NOTCH2NLR: variants seen among roughly 807,000 people sequenced by gnomAD.
The protein encoded by NOTCH2NLR is notch 2 N-terminal like R (pseudogene).
In NOTCH2NLR, 33 loss-of-function variants were observed where a neutral mutation model predicts 35.6. The observed-to-expected ratio is 0.93, with a 90% CI of 0.70 to 1.24. The LOEUF is 1.24. Ranked by LOEUF, NOTCH2NLR falls within the 50% of genes most tolerant of loss-of-function variation. NOTCH2NLR has a pLI of 0.00. For synonymous variants in NOTCH2NLR, 103 were observed against 141.0 expected (o/e 0.73, Z 1.91); for missense variants, 276 against 362.2 (o/e 0.76, Z 1.93).
chr1:120,726,456 T>A (rs1650815720), intron 1 of NOTCH2NLR, among the ~76,000 whole-genome samples: 1 of 84,958 alleles, frequency 1.2e-5, no homozygotes, highest in Non-Finnish European at 2.2e-5. Flanking sequence ...TTCTAAACTT[T>A]TGAGTGTTCC....
At chr1:120,768,067 T>TA (rs1651213674) in intron 2 of NOTCH2NLR, among the ~76,000 whole-genome samples, 1 of 101,252 alleles carries the variant, frequency 9.9e-6, no homozygotes, top group East Asian at 2.4e-4. Flanking sequence ...TATCTCCCAC[T>TA]AAAGAATGTT....
At position 120,793,463 on chromosome 1, in the gene NOTCH2NLR, G is replaced by A. The variant is rs1463647589; in HGVS notation, c.718G>A (p.Gly240Ser). The change falls in exon 4 of 5, where the codon GGT becomes AGT. Residue 240 changes from glycine to serine, a missense_variant. Gly to Ser is a moderately conservative substitution (Grantham distance 56, BLOSUM62 0). Coordinates refer to ENST00000624419, the Ensembl canonical transcript of NOTCH2NLR. ...CAATGGAGGCACCTGTCGGCAGACT[G>A]GTGACTTCACTTTTGAGTGCAACTG... The A allele has an allele frequency of 2.9e-5, 42 of 1,429,054 alleles. 10 individuals are homozygous for A. The Admixed American group carries it at 8.1e-4, about 27-fold the overall frequency. The allele number at this position is 1,429,054 out of a possible 1,614,324, so 88.5% of individuals were successfully genotyped here. A position where few individuals can be genotyped will look rare whatever the true frequency, so the allele number is the denominator to read the frequency against.
At chr1:120,724,351 C>T in intron 1 of NOTCH2NLR, 101 bp downstream of exon 1, 3 of 1,353,186 alleles carry the variant, frequency 2.2e-6, no homozygotes, top group East Asian at 2.6e-5. Flanking sequence ...AGGCCAGGCT[C>T]GGCCGCCGGC....
chr1:120,733,133 G>A lies in NOTCH2NLR; in HGVS notation c.73+8883G>A, dbSNP rs1444203905. 4.9e-4 allele frequency among the ~76,000 whole-genome samples: 47 copies of A among 95,042 alleles called. 6 individuals are homozygous for A. The highest frequency in any genetic ancestry group is 1.1e-3 in the African/African-American group (15 of 14,006). The allele number at this position is 95,042 out of a possible 152,430, so 62.4% of individuals were successfully genotyped here. A position where few individuals can be genotyped will look rare whatever the true frequency, so the allele number is the denominator to read the frequency against. On this transcript the variant is annotated intron_variant, in intron 1 of 4. Coordinates refer to ENST00000624419, the Ensembl canonical transcript of NOTCH2NLR. ...TATTTTTATATATATATATATATAT[G>A]TTTAGTTTATGAACAGATCTACATA...
chr1:120,728,635 C>A lies in NOTCH2NLR; in HGVS notation c.73+4385C>A, dbSNP rs1361252831. ...TGTTATTTTGTCCAGAATAGCCACA[C>A]CTTACTGTAATTTCATCATTTTGGG... is the stretch of plus-strand genomic sequence containing the variant. On this transcript the variant is annotated intron_variant, in intron 1 of 4. Coordinates refer to ENST00000624419, the Ensembl canonical transcript of NOTCH2NLR. 1.1e-4 allele frequency among the ~76,000 whole-genome samples: 13 copies of A among 117,268 alleles called. 4 individuals are homozygous for A. The highest frequency in any genetic ancestry group is 3.0e-4 in the African/African-American group (6 of 20,180). 76.9% of individuals were successfully genotyped at this position (117,268 alleles called of 152,430 possible).
rs1366163257 is a variant in NOTCH2NLR, at chr1:120,790,622, GTCTT to G, written c.416-2530_416-2527del. On this transcript the variant is annotated intron_variant, in intron 3 of 4. Transcript: ENST00000624419. ...TCTCTCTCTTTCCCTCTCTCTTTCT[GTCTT>G]TCTTTCTTCTCACTCTGTTGCTTAG... is the stretch of plus-strand genomic sequence containing the variant. 6.8e-3 allele frequency among the ~76,000 whole-genome samples: 504 copies of G among 74,416 alleles called. 67 individuals are homozygous for G. The highest frequency in any genetic ancestry group is 8.7e-3 in the Admixed American group (59 of 6,754). The allele number at this position is 74,416 out of a possible 152,430, so 48.8% of individuals were successfully genotyped here. A position where few individuals can be genotyped will look rare whatever the true frequency, so the allele number is the denominator to read the frequency against.
At chr1:120,733,276 A>G (rs1650883944) in intron 1 of NOTCH2NLR, among the ~76,000 whole-genome samples, 1 of 84,600 alleles carries the variant, frequency 1.2e-5, no homozygotes, top group Non-Finnish European at 2.1e-5. Flanking sequence ...CTCTCTCATT[A>G]CAGTGATATT....
At chr1:120,777,419 G>T (rs1212614032) in intron 2 of NOTCH2NLR, among the ~76,000 whole-genome samples, 1 of 88,264 alleles carries the variant, frequency 1.1e-5, no homozygotes, top group African/African-American at 8.1e-5. Context: ...TAGTCTTTGT[G>T]TATTAGTTGT....
chr1:120,781,772 A>T (rs1651364294), intron 2 of NOTCH2NLR, among the ~76,000 whole-genome samples: 1 of 115,646 alleles, frequency 8.6e-6, no homozygotes, highest in Admixed American at 8.4e-5. Flanking sequence ...GTTAGCCAGG[A>T]TGGTCTCGAT....
rs1424866254 is a variant in NOTCH2NLR at position 120,767,810 on chromosome 1, C to T, written c.155+4101C>T. On this transcript the variant is annotated intron_variant, in intron 2 of 4. Coordinates refer to ENST00000624419, the Ensembl canonical transcript of NOTCH2NLR. ...AAAGATCATGGACAACTCAAGTTCA[C>T]TAGGATTCTGGGGGTAGGTTAGGTT... is the stretch of plus-strand genomic sequence containing the variant. Among the ~76,000 whole-genome samples, 4 of 111,460 alleles carry T rather than the reference C, an allele frequency of 3.6e-5. 1 individual carries two copies. Among genetic ancestry groups the T allele is most frequent in the Non-Finnish European group, 6.8e-5 (4 of 58,922 alleles). The allele number at this position is 111,460 out of a possible 152,430, so 73.1% of individuals were successfully genotyped here. A position where few individuals can be genotyped will look rare whatever the true frequency, so the allele number is the denominator to read the frequency against.
In NOTCH2NLR at chr1:120,724,256, T is replaced by C; in HGVS notation, c.73+6T>C. 2.9e-6 allele frequency: 4 copies of C among 1,397,112 alleles called. 1 individual carries two copies. The highest frequency in any genetic ancestry group is 2.1e-5 in the Admixed American group (1 of 47,176). The allele number at this position is 1,397,112 out of a possible 1,614,324, so 86.5% of individuals were successfully genotyped here. ...CTGGGCGGCCCCCGCGCATGGTGAGTATCGGGCTGAGGGGCGCTGTCCGCG... is the reference window on the plus strand; with the variant it reads ...CTGGGCGGCCCCCGCGCATGGTGAGCATCGGGCTGAGGGGCGCTGTCCGCG... On this transcript the variant is annotated splice_donor_region_variant and intron_variant, in intron 1 of 4. Transcript: ENST00000624419.
rs1435648093 is a variant in NOTCH2NLR, at chr1:120,733,129, A to T, written c.73+8879A>T. On this transcript the variant is annotated intron_variant, in intron 1 of 4. Coordinates refer to ENST00000624419, the Ensembl canonical transcript of NOTCH2NLR. ...GATTTATTTTTATATATATATATATATATGTTTAGTTTATGAACAGATCTA... is the reference window on the plus strand; with the variant it reads ...GATTTATTTTTATATATATATATATTTATGTTTAGTTTATGAACAGATCTA... 4.9e-4 allele frequency among the ~76,000 whole-genome samples: 45 copies of T among 92,482 alleles called. 3 individuals carry two copies. The South Asian group carries it at 1.0e-2, about 20-fold the overall frequency. 60.7% of individuals were successfully genotyped at this position (92,482 alleles called of 152,430 possible).
At position 120,790,177 on chromosome 1, in the gene NOTCH2NLR, G is replaced by A. The variant is rs1190542025; in HGVS notation, c.416-2984G>A. ...ACTACAGGCACCTACCGCCATGCCCGGCTAATTTTTGTATTTTTAGTAGAG... is the reference window on the plus strand; with the variant it reads ...ACTACAGGCACCTACCGCCATGCCCAGCTAATTTTTGTATTTTTAGTAGAG... On this transcript the variant is annotated intron_variant, in intron 3 of 4. Coordinates refer to ENST00000624419, the Ensembl canonical transcript of NOTCH2NLR. Among the ~76,000 whole-genome samples, 7 of 102,598 alleles carry A rather than the reference G, an allele frequency of 6.8e-5. 1 individual carries two copies. Among genetic ancestry groups the A allele is most frequent in the Admixed American group, 2.8e-4 (3 of 10,594 alleles). 67.3% of individuals were successfully genotyped at this position (102,598 alleles called of 152,430 possible).
At chr1:120,793,296 A>G (rs1651514195) in exon 4 of NOTCH2NLR, 1 of 1,393,956 alleles carries the variant, frequency 7.2e-7, no homozygotes, top group Admixed American at 2.0e-5. Context: ...ACTGATGTCA[A>G]TGAGTGTGAC....
In NOTCH2NLR at chr1:120,784,331, C is replaced by T. The variant is rs2101452883; in HGVS notation, c.156-643C>T. Reference sequence around the variant, plus strand: ...AAGTATTATCCCATTTAGAGGAAAACCCTAAGTCTTTCTTTACAGTGGCTT... The same window carrying T: ...AAGTATTATCCCATTTAGAGGAAAATCCTAAGTCTTTCTTTACAGTGGCTT... On this transcript the variant is annotated intron_variant, in intron 2 of 4. Transcript: ENST00000624419. Among the ~76,000 whole-genome samples the T allele has an allele frequency of 1.7e-5, 2 of 116,840 alleles. 1 individual carries two copies. The highest frequency in any genetic ancestry group is 3.3e-5 in the Non-Finnish European group (2 of 60,902). 76.7% of individuals were successfully genotyped at this position (116,840 alleles called of 152,430 possible).
exon 1 of NOTCH2NLR, chr1:120,724,157 G>A: frequency 3.6e-6 from 5 of 1,379,474 alleles, no homozygotes; most frequent in Admixed American, 2.2e-5. Flanking sequence ...GGCGGAGGAG[G>A]AGGAGGAGGC....
At position 120,724,254 on chromosome 1, in the gene NOTCH2NLR, A is replaced by T; in HGVS notation, c.73+4A>T. ...TGCTGGGCGGCCCCCGCGCATGGTG[A>T]GTATCGGGCTGAGGGGCGCTGTCCG... On this transcript the variant is annotated splice_donor_region_variant and intron_variant, in intron 1 of 4. Coordinates refer to ENST00000624419, the Ensembl canonical transcript of NOTCH2NLR. 1 of 1,396,928 alleles carries T rather than the reference A, an allele frequency of 7.2e-7. No individual in the cohort carries two copies. The highest frequency in any genetic ancestry group is 2.1e-5 in the Admixed American group (1 of 47,024). The allele number at this position is 1,396,928 out of a possible 1,614,324, so 86.5% of individuals were successfully genotyped here.
In NOTCH2NLR at chr1:120,732,434, TG is replaced by T. The variant is rs1241723298; in HGVS notation, c.73+8185del. On this transcript the variant is annotated intron_variant, in intron 1 of 4. Coordinates refer to ENST00000624419, the Ensembl canonical transcript of NOTCH2NLR. ...GAATAATCACAAAACTAGATAGTGC[TG>T]ATATATCAACTTCTCTAAATGGTAA... Among the ~76,000 whole-genome samples the T allele has an allele frequency of 2.0e-5, 2 of 100,824 alleles. 1 individual carries two copies. Among genetic ancestry groups the T allele is most frequent in the Non-Finnish European group, 3.6e-5 (2 of 55,170 alleles). The allele number at this position is 100,824 out of a possible 152,430, so 66.1% of individuals were successfully genotyped here. A position where few individuals can be genotyped will look rare whatever the true frequency, so the allele number is the denominator to read the frequency against.
chr1:120,778,580 G>GT (rs1412892781), intron 2 of NOTCH2NLR, among the ~76,000 whole-genome samples: 4 of 18,204 alleles, frequency 2.2e-4, no homozygotes, highest in African/African-American at 6.9e-4. Context: ...TGTTGTTGTT[G>GT]TTTTTTTTTG....
Sources: allele counts gnomAD v4.1 joint callset (sites outside exome capture counted in the v4.1 genomes callset), GRCh38; gene constraint gnomAD v4.1.1; transcripts MANE v1.5; gene names NCBI Gene and HGNC (gene_info 2026-07-23, HGNC 2026-07-21).